The following SGPP2 variants were observed in gnomAD, a reference collection of about 807,000 sequenced individuals.
SGPP2 encodes the protein sphingosine 1-phosphate phosphohydrolase 2.
Under a neutral mutation model 33.9 loss-of-function variants are expected in SGPP2, and 30 were observed. That is an observed-to-expected ratio of 0.89 (90% CI 0.66 to 1.20). The LOEUF (loss-of-function observed/expected upper bound fraction) is 1.20, where lower values mean the gene tolerates loss of function less well. Among genes scored for constraint, SGPP2 ranks in the 50% most tolerant of loss-of-function variants. SGPP2 has a pLI of 0.00. For missense variants in SGPP2, 458 were observed against 532.1 expected, an observed-to-expected ratio of 0.86 and a Z score of 1.37; for synonymous variants, 233 against 225.0, an observed-to-expected ratio of 1.04 and a Z score of -0.32.
Position 222,441,378 on chromosome 2 carries a change from T to A in SGPP2, c.219+16557T>A, listed in dbSNP as rs527688522. On this transcript the variant is annotated intron_variant, in intron 1 of 4. Transcript: ENST00000321276. Reference sequence around the variant, plus strand: ...CAACTGTGTTCTACAAAGGGAAAAATTTAATCACAATATCCAAAGGATATT... The same window carrying A: ...CAACTGTGTTCTACAAAGGGAAAAAATTAATCACAATATCCAAAGGATATT... Among the ~76,000 whole-genome samples the A allele has an allele frequency of 1.2e-3, 179 of 152,330 alleles. 2 individuals are homozygous for A. The highest frequency in any genetic ancestry group is 4.1e-3 in the African/African-American group (169 of 41,564).
At position 222,559,172 on chromosome 2, in the gene SGPP2, C is replaced by CAA; in HGVS notation, c.*274_*275insAA. On this transcript the variant is annotated 3_prime_UTR_variant, in exon 5 of 5. Transcript: ENST00000321276. The stretch of plus-strand genomic sequence containing the variant: ...AAGGCACACACCGCGCCCCCCCCCC[C>CAA]CCCGCCCGGCCCCTGCTCCTCTCGC... 1.0e-5 allele frequency: 1 copy of CAA among 99,284 alleles called. No homozygotes were observed. Among genetic ancestry groups the CAA allele is most frequent in the Non-Finnish European group, 1.9e-5 (1 of 51,860 alleles). 6.2% of individuals were successfully genotyped at this position (99,284 alleles called of 1,614,324 possible).
chr2:222,437,422 G>A (rs532970228), intron 1 of SGPP2, among the ~76,000 whole-genome samples: 3 of 152,278 alleles, frequency 2.0e-5, no homozygotes, highest in East Asian at 3.9e-4. Flanking sequence ...GTCCACTTTC[G>A]GGTGGTGCCT....
chr2:222,502,266 A>G (rs1487554601), intron 2 of SGPP2, among the ~76,000 whole-genome samples: 1 of 152,226 alleles, frequency 6.6e-6, no homozygotes, highest in South Asian at 2.1e-4. Flanking sequence ...TTCTTGTTAC[A>G]TCTATGGAGA....
At chr2:222,441,161 T>G (rs1351382917) in intron 1 of SGPP2, among the ~76,000 whole-genome samples, 5 of 152,348 alleles carry the variant, frequency 3.3e-5, no homozygotes, top group Middle Eastern at 3.4e-3. Flanking sequence ...TTCTCAATGG[T>G]GAGGCCCAGG....
At chr2:222,551,492 T>C (rs979848085) in intron 4 of SGPP2, among the ~76,000 whole-genome samples, 3 of 152,210 alleles carry the variant, frequency 2.0e-5, no homozygotes, top group Non-Finnish European at 4.4e-5. Context: ...TTTTCAAGTA[T>C]TTACTGTCTT....
chr2:222,558,766 G>A lies in SGPP2; in HGVS notation c.1068G>A (p.Val356=), dbSNP rs781741060. The part of the protein sequence containing the change: ...SLQVLYSWFK[V]VTRNKEARRR... ...AAGTATTATACTCATGGTTCAAGGTGGTCACCAGGAACAAGGAGGCCAGGC... is the reference window on the plus strand; with the variant it reads ...AAGTATTATACTCATGGTTCAAGGTAGTCACCAGGAACAAGGAGGCCAGGC... The change falls in exon 5 of 5, where the codon GTG becomes GTA. Residue 356 remains valine (V), a synonymous_variant. Coordinates refer to ENST00000321276, the MANE Select transcript of SGPP2 (RefSeq NM_152386.4). 39 of 1,613,982 alleles carry A rather than the reference G, an allele frequency of 2.4e-5. No individual in the cohort carries two copies. Among genetic ancestry groups the A allele is most frequent in the Non-Finnish European group, 3.1e-5 (36 of 1,180,018 alleles).
intron 1 of SGPP2, among the ~76,000 whole-genome samples, chr2:222,437,998 C>T (rs1448093201): frequency 6.6e-6 from 1 of 152,184 alleles, no homozygotes; most frequent in Admixed American, 6.5e-5. Flanking sequence ...TGCACAGCAG[C>T]CTGGACCTGT....
intron 4 of SGPP2, 83 bp downstream of exon 4, chr2:222,525,116 T>C (rs1213925585): frequency 1.5e-5 from 14 of 925,994 alleles, no homozygotes; most frequent in Non-Finnish European, 2.0e-5. Flanking sequence ...ATACTACTTA[T>C]TTATAAAATT....
chr2:222,482,842 G>T (rs1472019140), intron 2 of SGPP2, among the ~76,000 whole-genome samples: 1 of 152,220 alleles, frequency 6.6e-6, no homozygotes, highest in Non-Finnish European at 1.5e-5. Flanking sequence ...CATGGGCCAG[G>T]TTCTGGAACA....
At chr2:222,541,404 C>A (rs976188388) in intron 4 of SGPP2, among the ~76,000 whole-genome samples, 3 of 152,050 alleles carry the variant, frequency 2.0e-5, no homozygotes, top group African/African-American at 7.2e-5. Flanking sequence ...ACAGCATAGC[C>A]AGGGAAGGAG....
intron 4 of SGPP2, among the ~76,000 whole-genome samples, chr2:222,552,132 C>T (rs1425428426): frequency 6.6e-6 from 1 of 152,142 alleles, no homozygotes; most frequent in Non-Finnish European, 1.5e-5. Context: ...TGGGTTGGTT[C>T]CACATTTTTG....
At chr2:222,475,141 C>T (rs1055095566) in intron 2 of SGPP2, among the ~76,000 whole-genome samples, 1 of 152,148 alleles carries the variant, frequency 6.6e-6, no homozygotes. Flanking sequence ...GTGGGCGGAT[C>T]ACCTGAGGTC....
chr2:222,434,924 T>C (rs1241366110), intron 1 of SGPP2, among the ~76,000 whole-genome samples: 1 of 151,274 alleles, frequency 6.6e-6, no homozygotes, highest in Non-Finnish European at 1.5e-5. Flanking sequence ...TAGAAGTTGG[T>C]TTGTATATTA....
At chr2:222,512,004 T>TTTTATTTATTTATTTATTTA (rs34621381) in intron 2 of SGPP2, among the ~76,000 whole-genome samples, 4 of 147,672 alleles carry the variant, frequency 2.7e-5, no homozygotes, top group African/African-American at 1.0e-4. Context: ...TAAAATAAAC[T>TTTTATTTATTTATTTATTTA]TTTATTTATT....
chr2:222,475,415 G>C (rs34106652), intron 2 of SGPP2, among the ~76,000 whole-genome samples: 1 of 149,360 alleles, frequency 6.7e-6, no homozygotes, highest in Non-Finnish European at 1.5e-5. Flanking sequence ...AGAGAAGAAA[G>C]GAACCTTTCT....
At chr2:222,530,222 G>A (rs1192585096) in intron 4 of SGPP2, among the ~76,000 whole-genome samples, 1 of 152,150 alleles carries the variant, frequency 6.6e-6, no homozygotes, top group Admixed American at 6.5e-5. Context: ...TTTTCAGAAT[G>A]GTAAATGGCC....
At chr2:222,507,098 A>G (rs904555551) in intron 2 of SGPP2, among the ~76,000 whole-genome samples, 2 of 152,148 alleles carry the variant, frequency 1.3e-5, no homozygotes, top group African/African-American at 4.8e-5. Context: ...CATCTTGAAA[A>G]TTTTAAAGAA....
At chr2:222,468,365 A>T (rs574000863) in intron 1 of SGPP2, among the ~76,000 whole-genome samples, 188 of 151,168 alleles carry the variant, frequency 1.2e-3, no homozygotes, top group Non-Finnish European at 2.1e-3. Context: ...ATTTTATTTA[A>T]TGAGCCTTTC....
intron 4 of SGPP2, among the ~76,000 whole-genome samples, chr2:222,557,282 G>A (rs563161639): frequency 1.1e-3 from 168 of 152,310 alleles, no homozygotes; most frequent in African/African-American, 3.8e-3. Context: ...GGATCCTCTA[G>A]CACTGTGTTT....
Sources: gnomAD v4.1 joint callset for allele counts (sites outside exome capture counted in the v4.1 genomes callset) on GRCh38, gnomAD v4.1.1 for gene constraint, MANE v1.5 for transcripts, NCBI Gene and HGNC (gene_info 2026-07-23, HGNC 2026-07-21) for gene names.